The following CPNE6 variants were observed in gnomAD, a reference collection of about 807,000 sequenced individuals.
CPNE6 encodes copine 6.
Under a neutral mutation model 71.5 loss-of-function variants are expected in CPNE6, and 33 were observed. The ratio of observed to expected loss-of-function variants is 0.46; its 90% CI spans 0.35 to 0.62. The LOEUF (loss-of-function observed/expected upper bound fraction) is 0.62, where lower values mean the gene tolerates loss of function less well. Among genes scored for constraint, CPNE6 ranks in the 20% least tolerant of loss-of-function variants. The pLI, the probability that CPNE6 is intolerant of heterozygous loss-of-function variation, is 0.00. For synonymous variants in CPNE6, 296 were observed against 293.0 expected, an observed-to-expected ratio of 1.01 and a Z score of -0.10; for missense variants, 576 against 747.3, an observed-to-expected ratio of 0.77 and a Z score of 2.67.
Position 24,076,286 on chromosome 14 carries a change from G to A in CPNE6, c.1058+4G>A. On this transcript the variant is annotated splice_donor_region_variant and intron_variant, in intron 12 of 17. Transcript: ENST00000397016. The stretch of plus-strand genomic sequence containing the variant: ...GCATCTGCCAGGACTATGACAGGTA[G>A]GAGAGAGTGGGGCGGGAGGGAACAG... 6.2e-7 allele frequency: 1 copy of A among 1,614,228 alleles called. No individual in the cohort carries two copies. The highest frequency in any genetic ancestry group is 1.3e-5 in the African/African-American group (1 of 75,062).
exon 14 of CPNE6, chr14:24,076,551 T>G (rs2036070817): frequency 6.2e-7 from 1 of 1,613,990 alleles, no homozygotes; most frequent in Non-Finnish European, 8.5e-7. Context: ...AAATCCTGAA[T>G]GTGAAGGTAA....
At chr14:24,076,195 A>G in exon 12 of CPNE6, 1 of 1,614,064 alleles carries the variant, frequency 6.2e-7, no homozygotes. Flanking sequence ...AGGAGCAGCC[A>G]GTCCCTGCAC....
chr14:24,075,074 C>T lies in CPNE6; in HGVS notation c.673-98C>T. 1.1e-6 allele frequency: 1 copy of T among 899,336 alleles called. No homozygotes were observed. The highest frequency in any genetic ancestry group is 1.9e-6 in the Non-Finnish European group (1 of 537,982). The allele number at this position is 899,336 out of a possible 1,614,324, so 55.7% of individuals were successfully genotyped here. On this transcript the variant is annotated intron_variant, in intron 8 of 17. Coordinates refer to ENST00000397016, the Ensembl canonical transcript of CPNE6. The surrounding 1 kb of genome is among the most constrained non-coding windows in gnomAD (Gnocchi z 4.3). Reference sequence around the variant, plus strand: ...CTGTTTGGGCATGGAGACTCTAAGGCCCAAGTCCCCCTACTCCAAGTCCCC... The same window carrying T: ...CTGTTTGGGCATGGAGACTCTAAGGTCCAAGTCCCCCTACTCCAAGTCCCC...
In CPNE6 at chr14:24,073,548, G is replaced by T; in HGVS notation, c.218G>T (p.Arg73Leu). 6.2e-7 allele frequency: 1 copy of T among 1,614,004 alleles called. No individual in the cohort carries two copies. The highest frequency in any genetic ancestry group is 8.5e-7 in the Non-Finnish European group (1 of 1,180,026). Residue 73 changes from arginine (R) to leucine (L), a missense_variant, in exon 4 of 18, where the codon CGG becomes CTG. Arg to Leu is a moderately radical substitution (Grantham distance 102). This residue lies in a region of CPNE6 where 214 missense variants were observed against 291.2 expected (regional missense o/e 0.73). Coordinates refer to ENST00000397016, the Ensembl canonical transcript of CPNE6. This position sits in a 1 kb window ranked among gnomAD's most constrained non-coding sequence, Gnocchi z 5.5. ...TCCTGTTCCAGCCCTGTCTTCTCCC[G>T]GGTGCTGGCCCTTGAGTATTTTTTT...
intron 1 of CPNE6, 62 bp from the exon 1 acceptor site, chr14:24,071,500 C>T (rs906421552): frequency 6.1e-6 from 9 of 1,476,192 alleles, no homozygotes; most frequent in African/African-American, 3.0e-5. Context: ...GCTGGTGCTG[C>T]GCCCCCCCCC....
chr14:24,071,677 C>T (rs770294188), intron 2 of CPNE6, 36 bp downstream of exon 1: 193 of 750,908 alleles, frequency 2.6e-4, no homozygotes, highest in South Asian at 1.8e-4. Context: ...CAGCCCCAGC[C>T]CAGCCCAGCT....
chr14:24,074,586 A>AAAGTGGG lies in CPNE6; in HGVS notation c.559_560insGGAAGTG (p.Asp187GlyfsTer3). On this transcript the variant is annotated frameshift_variant, in exon 7 of 18. Coordinates refer to ENST00000397016, the Ensembl canonical transcript of CPNE6. LOFTEE classifies it high-confidence loss of function. This position sits in a 1 kb window ranked among gnomAD's most constrained non-coding sequence, Gnocchi z 4.5. ...GAAATCTATAAGACCAACGAGGACCAAAGTGATCAGCTGGTCTGGAGAACT... is the reference window on the plus strand; with the variant it reads ...GAAATCTATAAGACCAACGAGGACCAAAGTGGGAAGTGATCAGCTGGTCTGGAGAACT... 2 of 1,614,180 alleles carry AAAGTGGG rather than the reference A, an allele frequency of 1.2e-6. No homozygotes were observed. The highest frequency in any genetic ancestry group is 1.7e-6 in the Non-Finnish European group (2 of 1,180,026).
At position 24,077,822 on chromosome 14, in the gene CPNE6, G is replaced by C; in HGVS notation, c.*37+55G>C. On this transcript the variant is annotated intron_variant, in intron 17 of 17. Coordinates refer to ENST00000397016, the Ensembl canonical transcript of CPNE6. The surrounding 1 kb of genome is among the most constrained non-coding windows in gnomAD (Gnocchi z 6.1). ...CACAGGGGGTGCAAAGTGGGGCTTGGTAGAGCCCAACTAGGCTGGGTGTAG... is the reference window on the plus strand; with the variant it reads ...CACAGGGGGTGCAAAGTGGGGCTTGCTAGAGCCCAACTAGGCTGGGTGTAG... 1.5e-5 allele frequency: 20 copies of C among 1,344,280 alleles called. No homozygotes were observed. Among genetic ancestry groups the C allele is most frequent in the Non-Finnish European group, 2.0e-5 (20 of 1,019,546 alleles). 83.3% of individuals were successfully genotyped at this position (1,344,280 alleles called of 1,614,324 possible).
In CPNE6 at chr14:24,075,065, A is replaced by T. The variant is rs566551167; in HGVS notation, c.673-107A>T. The stretch of plus-strand genomic sequence containing the variant: ...TGAGGATGTCTGTTTGGGCATGGAG[A>T]CTCTAAGGCCCAAGTCCCCCTACTC... On this transcript the variant is annotated intron_variant, in intron 8 of 17. Transcript: ENST00000397016. This position sits in a 1 kb window ranked among gnomAD's most constrained non-coding sequence, Gnocchi z 4.3. 1.2e-6 allele frequency: 1 copy of T among 846,642 alleles called. No individual in the cohort carries two copies. The highest frequency in any genetic ancestry group is 1.8e-5 in the Admixed American group (1 of 55,464). 52.4% of individuals were successfully genotyped at this position (846,642 alleles called of 1,614,324 possible). A position where few individuals can be genotyped will look rare whatever the true frequency, so the allele number is the denominator to read the frequency against.
In CPNE6 at chr14:24,077,956, G is replaced by A. The variant is rs1248489687; in HGVS notation, c.*106G>A. The A allele has an allele frequency of 6.6e-6, 3 of 456,598 alleles. No individual in the cohort carries two copies. Among genetic ancestry groups the A allele is most frequent in the Non-Finnish European group, 7.6e-6 (2 of 262,794 alleles). 28.3% of individuals were successfully genotyped at this position (456,598 alleles called of 1,614,324 possible). A position where few individuals can be genotyped will look rare whatever the true frequency, so the allele number is the denominator to read the frequency against. On this transcript the variant is annotated 3_prime_UTR_variant, in exon 18 of 18. Coordinates refer to ENST00000397016, the Ensembl canonical transcript of CPNE6. This position sits in a 1 kb window ranked among gnomAD's most constrained non-coding sequence, Gnocchi z 6.1. ...CCTCTTGGACCAGGTGTGCCCCCTG[G>A]GTTCTGGACGTGAGTGGTGGGTCCT...
chr14:24,077,116 A>C lies in CPNE6; in HGVS notation c.1300-38A>C. ...GGAAACGGTGTCAACGCCCTTGCACACAAAGCCAACCCTTCCACCCTCTCT... is the reference window on the plus strand; with the variant it reads ...GGAAACGGTGTCAACGCCCTTGCACCCAAAGCCAACCCTTCCACCCTCTCT... On this transcript the variant is annotated intron_variant, in intron 15 of 17. Transcript: ENST00000397016. The surrounding 1 kb of genome is among the most constrained non-coding windows in gnomAD (Gnocchi z 6.1). 1 of 1,594,710 alleles carries C rather than the reference A, an allele frequency of 6.3e-7. No homozygotes were observed. The highest frequency in any genetic ancestry group is 1.1e-5 in the South Asian group (1 of 90,408).
exon 1 of CPNE6, chr14:24,071,026 C>T (rs924634646): frequency 1.0e-5 from 16 of 1,535,420 alleles, no homozygotes; most frequent in East Asian, 4.9e-5. Flanking sequence ...TGCTGTATTC[C>T]GGGTTAGTTT....
Position 24,073,237 on chromosome 14 carries a change from CCCTGG to C in CPNE6, c.168+134_168+138del, listed in dbSNP as rs2035957989. ...GCGCCTTCTCGAGGCCGCTTGGGTA[CCCTGG>C]AGATGGTGTCCCAGAGGGTCCTGAG... On this transcript the variant is annotated intron_variant, in intron 3 of 17. Transcript: ENST00000397016. This position sits in a 1 kb window ranked among gnomAD's most constrained non-coding sequence, Gnocchi z 5.5. The C allele has an allele frequency of 9.3e-7, 1 of 1,072,528 alleles. No individual in the cohort carries two copies. Among genetic ancestry groups the C allele is most frequent in the African/African-American group, 1.6e-5 (1 of 60,758 alleles). 66.4% of individuals were successfully genotyped at this position (1,072,528 alleles called of 1,614,324 possible). A position where few individuals can be genotyped will look rare whatever the true frequency, so the allele number is the denominator to read the frequency against.
Position 24,073,660 on chromosome 14 carries a change from G to A in CPNE6, c.330G>A (p.Thr110=), listed in dbSNP as rs746836389. ...GAAATGATACCTTCCTCGGCTCTAC[G>A]GAGTGCACCTTGGGCCAGGTCTGCA... Residue 110 remains threonine, a synonymous_variant, in exon 4 of 18, where the codon ACG becomes ACA. Transcript: ENST00000397016. The surrounding 1 kb of genome is among the most constrained non-coding windows in gnomAD (Gnocchi z 5.5). The A allele has an allele frequency of 5.1e-5, 83 of 1,613,326 alleles. No individual in the cohort carries two copies. Among genetic ancestry groups the A allele is most frequent in the Middle Eastern group, 1.8e-4 (1 of 5,638 alleles).
At chr14:24,072,431 G>C (rs958797344) in intron 2 of CPNE6, 1 of 153,070 alleles carries the variant, frequency 6.5e-6, no homozygotes, top group Non-Finnish European at 1.5e-5. Context: ...AGCCCAGCAG[G>C]GGACTTTCCA....
chr14:24,076,670 T>C, intron 14 of CPNE6, 113 bp downstream of exon 13: 1 of 1,497,952 alleles, frequency 6.7e-7, no homozygotes, highest in Non-Finnish European at 9.2e-7. Flanking sequence ...ATCCCAGGCC[T>C]GTCTTTATCA....
intron 1 of CPNE6, chr14:24,071,353 G>T (rs1022459766): frequency 4.2e-6 from 6 of 1,439,492 alleles, no homozygotes; most frequent in Non-Finnish European, 5.4e-6. Context: ...AGGGGAAGAT[G>T]TGTGTCACTG....
Position 24,074,694 on chromosome 14 carries a change from T to C in CPNE6, c.583-12T>C. The C allele has an allele frequency of 1.2e-6, 2 of 1,613,754 alleles. No individual in the cohort carries two copies. ...AGACAGGAGCTGACCAGCCACCTGG[T>C]GCCTCTCCAAGGTGGTGAAGAACAA... On this transcript the variant is annotated splice_polypyrimidine_tract_variant and intron_variant, in intron 7 of 17. Coordinates refer to ENST00000397016, the Ensembl canonical transcript of CPNE6. The surrounding 1 kb of genome is among the most constrained non-coding windows in gnomAD (Gnocchi z 4.5).
At position 24,074,446 on chromosome 14, in the gene CPNE6, C is replaced by T. The variant is rs1426905687; in HGVS notation, c.498+81C>T. 1 of 1,578,550 alleles carries T rather than the reference C, an allele frequency of 6.3e-7. No individual in the cohort carries two copies. Among genetic ancestry groups the T allele is most frequent in the Non-Finnish European group, 8.7e-7 (1 of 1,152,418 alleles). On this transcript the variant is annotated intron_variant, in intron 6 of 17. Coordinates refer to ENST00000397016, the Ensembl canonical transcript of CPNE6. This position sits in a 1 kb window ranked among gnomAD's most constrained non-coding sequence, Gnocchi z 4.5. ...TCAAGACAGATCCCAGGAGCCCAGG[C>T]CTGCTCTCTTCCCAGTGGGAGCCCA... is the stretch of plus-strand genomic sequence containing the variant.
Sources: allele counts gnomAD v4.1 joint callset, GRCh38; gene constraint gnomAD v4.1.1; regional missense constraint gnomAD v4.1.1; non-coding constraint Gnocchi (gnomAD v3.1); transcripts MANE v1.5; gene names NCBI Gene and HGNC (gene_info 2026-07-23, HGNC 2026-07-21).